Variants in PIGF observed in about 807,000 individuals in gnomAD.
PIGF encodes GPI ethanolamine phosphate transferase, stabilizing subunit.
In PIGF, 23 loss-of-function variants were observed where a neutral mutation model predicts 26.0. The observed-to-expected ratio is 0.88, with a 90% CI of 0.64 to 1.25. The LOEUF (loss-of-function observed/expected upper bound fraction) is 1.25, where lower values mean the gene tolerates loss of function less well. Among genes scored for constraint, PIGF ranks in the 50% most tolerant of loss-of-function variants. The pLI is 0.00. For missense variants in PIGF, 278 were observed against 249.9 expected (o/e 1.11, Z -0.76); for synonymous variants, 93 against 92.6 (o/e 1.00, Z -0.03).
chr2:46,588,947 A>C lies in PIGF; in HGVS notation c.546+3528T>G, dbSNP rs565996381. Reference sequence around the variant, plus strand: ...AGCAGATAAAGAATCAAATTATAAAATACAAAGGTTTTCTGTAGTCCAAAT... The same window carrying C: ...AGCAGATAAAGAATCAAATTATAAACTACAAAGGTTTTCTGTAGTCCAAAT... On this transcript the variant is annotated intron_variant, in intron 5 of 5. Coordinates refer to ENST00000281382, the MANE Select transcript of PIGF (RefSeq NM_002643.4). This position sits in a 1 kb window ranked among gnomAD's most constrained non-coding sequence, Gnocchi z 4.1. Among the ~76,000 whole-genome samples, 2 of 152,300 alleles carry C rather than the reference A, an allele frequency of 1.3e-5. No homozygotes were observed. Among genetic ancestry groups the C allele is most frequent in the African/African-American group, 2.4e-5 (1 of 41,594 alleles).
intron 4 of PIGF, among the ~76,000 whole-genome samples, chr2:46,611,608 A>G (rs1468263308): frequency 6.6e-6 from 1 of 152,240 alleles, no homozygotes; most frequent in Non-Finnish European, 1.5e-5. Context: ...ATAGGAAAGA[A>G]TCAAATAACC....
chr2:46,584,365 A>T (rs993839275), intron 5 of PIGF, among the ~76,000 whole-genome samples: 1 of 152,104 alleles, frequency 6.6e-6, no homozygotes, highest in Non-Finnish European at 1.5e-5. Context: ...ATACTCTGTT[A>T]AAAAAAGCTC....
intron 4 of PIGF, among the ~76,000 whole-genome samples, chr2:46,593,130 C>G (rs185735017): frequency 7.6e-6 from 1 of 131,608 alleles, no homozygotes; most frequent in Non-Finnish European, 1.6e-5. Flanking sequence ...TTCAACCAGT[C>G]TTTCTTTTTT....
At chr2:46,597,600 T>C (rs1377933152) in intron 4 of PIGF, among the ~76,000 whole-genome samples, 1 of 152,028 alleles carries the variant, frequency 6.6e-6, no homozygotes, top group Non-Finnish European at 1.5e-5. Flanking sequence ...TTAGTAGAGA[T>C]GGGGTTTCAC....
chr2:46,611,297 A>G (rs1207016656), intron 4 of PIGF, among the ~76,000 whole-genome samples: 1 of 152,038 alleles, frequency 6.6e-6, no homozygotes, highest in East Asian at 1.9e-4. Flanking sequence ...CATCCTGGCC[A>G]GTGTGGTGAA....
At position 46,614,999 on chromosome 2, in the gene PIGF, G is replaced by C. The variant is rs752017440; in HGVS notation, c.166C>G (p.Leu56Val). ...ICSGFVTAVN[L>V]VLYLVVKPNT... is the part of the protein sequence containing the mutation. ...GGTTTCACTACTAAATATAGTACTA[G>C]ATTGACAGCAGTTACAAAACCAGAA... Residue 56 changes from leucine (L) to valine (V), a missense_variant, in exon 2 of 6, where the codon CTA becomes GTA. Leu to Val is a conservative substitution (Grantham distance 32). Transcript: ENST00000281382. 18 of 1,607,820 alleles carry C rather than the reference G, an allele frequency of 1.1e-5. No homozygotes were observed. The Admixed American group carries it at 2.7e-4, about 24-fold the overall frequency.
intron 4 of PIGF, among the ~76,000 whole-genome samples, chr2:46,607,957 C>A (rs1020409997): frequency 1.3e-5 from 2 of 152,168 alleles, no homozygotes; most frequent in Non-Finnish European, 2.9e-5. Flanking sequence ...CTCAGCCTCC[C>A]AAAGTGCTGG....
At chr2:46,601,945 A>T (rs1273798574) in intron 4 of PIGF, among the ~76,000 whole-genome samples, 1 of 151,980 alleles carries the variant, frequency 6.6e-6, no homozygotes, top group Non-Finnish European at 1.5e-5. Context: ...ACAGCATAAA[A>T]GAACTGATAT....
Position 46,588,355 on chromosome 2 carries a change from C to T in PIGF, c.546+4120G>A. ...TAACATATTCTCTAATATATGAGAACTCAAATAAATCATGGAATTTGCATT... is the reference window on the plus strand; with the variant it reads ...TAACATATTCTCTAATATATGAGAATTCAAATAAATCATGGAATTTGCATT... On this transcript the variant is annotated intron_variant, in intron 5 of 5. Transcript: ENST00000281382. This position sits in a 1 kb window ranked among gnomAD's most constrained non-coding sequence, Gnocchi z 4.1. 1 of 816,596 alleles carries T rather than the reference C, an allele frequency of 1.2e-6. No homozygotes were observed. Among genetic ancestry groups the T allele is most frequent in the Non-Finnish European group, 1.8e-6 (1 of 553,322 alleles). The allele number at this position is 816,596 out of a possible 1,614,324, so 50.6% of individuals were successfully genotyped here. A position where few individuals can be genotyped will look rare whatever the true frequency, so the allele number is the denominator to read the frequency against.
chr2:46,593,241 T>G (rs1211407683), intron 4 of PIGF, among the ~76,000 whole-genome samples: 2 of 151,506 alleles, frequency 1.3e-5, no homozygotes, highest in Non-Finnish European at 2.9e-5. Context: ...CAAGCGATTC[T>G]CCTGCCTCAG....
intron 4 of PIGF, among the ~76,000 whole-genome samples, chr2:46,603,018 A>C (rs1460199320): frequency 6.6e-6 from 1 of 152,116 alleles, no homozygotes; most frequent in Non-Finnish European, 1.5e-5. Flanking sequence ...ATAAAGTTGC[A>C]GGATACAAAA....
At position 46,592,526 on chromosome 2, in the gene PIGF, T is replaced by C; in HGVS notation, c.495A>G (p.Gly165=). 1 of 1,611,830 alleles carries C rather than the reference T, an allele frequency of 6.2e-7. No individual in the cohort carries two copies. Among genetic ancestry groups the C allele is most frequent in the South Asian group, 1.1e-5 (1 of 91,018 alleles). ...GAATAGGAAGTGCTCCAAGCCATGC[T>C]CCTACAAAGCTAGAAATTGTAGTGA... ...LQITTISSFV[G]AWLGALPIPL... The change falls in exon 5 of 6, where the codon GGA becomes GGG. Residue 165 remains glycine (G), a synonymous_variant. Coordinates refer to ENST00000281382, the MANE Select transcript of PIGF (RefSeq NM_002643.4).
chr2:46,581,271 A>G lies in PIGF; in HGVS notation c.*207T>C. 1.0e-6 allele frequency: 1 copy of G among 953,528 alleles called. No individual in the cohort carries two copies. Among genetic ancestry groups the G allele is most frequent in the South Asian group, 1.8e-5 (1 of 54,084 alleles). The allele number at this position is 953,528 out of a possible 1,614,324, so 59.1% of individuals were successfully genotyped here. ...AAAGGTTTAAGAAGCAGTAAGCAGC[A>G]TCTGAAGCCACAATCTATTATAAAT... On this transcript the variant is annotated 3_prime_UTR_variant, in exon 6 of 6. Transcript: ENST00000281382.
intron 4 of PIGF, among the ~76,000 whole-genome samples, chr2:46,603,192 C>T (rs763007868): frequency 1.3e-5 from 2 of 151,818 alleles, no homozygotes; most frequent in African/African-American, 4.8e-5. Context: ...CTATAAAACA[C>T]TGATGAAAGA....
chr2:46,596,689 A>G (rs1438930186), intron 4 of PIGF, among the ~76,000 whole-genome samples: 1 of 151,936 alleles, frequency 6.6e-6, no homozygotes, highest in East Asian at 1.9e-4. Context: ...AATTAAGTAT[A>G]GATTTTTCAA....
At chr2:46,607,002 A>G (rs997213771) in intron 4 of PIGF, among the ~76,000 whole-genome samples, 15 of 152,366 alleles carry the variant, frequency 9.8e-5, no homozygotes, top group African/African-American at 3.6e-4. Context: ...AAAGGCAGTC[A>G]CAAAAGATCA....
chr2:46,582,324 T>A (rs1332507117), intron 5 of PIGF: 1 of 152,092 alleles, frequency 6.6e-6, no homozygotes, highest in Non-Finnish European at 1.5e-5. Flanking sequence ...TTTCATGTTC[T>A]TCTGTGAAGC....
intron 1 of PIGF, chr2:46,615,497 T>C (rs1414246627): frequency 1.1e-5 from 2 of 189,436 alleles, no homozygotes; most frequent in African/African-American, 4.7e-5. Flanking sequence ...TTTAAACTTT[T>C]TTGGCCAATA....
intron 4 of PIGF, among the ~76,000 whole-genome samples, chr2:46,606,393 CTT>C (rs1329851739): frequency 2.0e-5 from 3 of 152,156 alleles, no homozygotes; most frequent in African/African-American, 4.8e-5. Flanking sequence ...TTTCCACTAA[CTT>C]ATCGGTAAAT....
Sources: allele counts gnomAD v4.1 joint callset (sites outside exome capture counted in the v4.1 genomes callset), GRCh38; gene constraint gnomAD v4.1.1; non-coding constraint Gnocchi (gnomAD v3.1); transcripts MANE v1.5; gene names NCBI Gene and HGNC (gene_info 2026-07-23, HGNC 2026-07-21).